Variants in SMG7 observed in about 807,000 individuals in gnomAD.
The protein encoded by SMG7 is SMG7 nonsense mediated mRNA decay factor, also known as nonsense-mediated mRNA decay factor SMG7.
A neutral mutation model predicts 148.2 loss-of-function variants in SMG7; 34 were observed. That is an observed-to-expected ratio of 0.23 (90% confidence interval 0.17 to 0.31). The LOEUF is 0.31. Among genes scored for constraint, SMG7 ranks in the 10% least tolerant of loss-of-function variants. SMG7 has a pLI of 1.00. For missense variants in SMG7, 1,114 were observed against 1,408.4 expected (o/e 0.79, Z 3.35); for synonymous variants, 492 against 515.1 (o/e 0.96, Z 0.61).
At chr1:183,474,560 G>A (rs911390318) in intron 1 of SMG7, among the ~76,000 whole-genome samples, 16 of 152,132 alleles carry the variant, frequency 1.1e-4, no homozygotes, top group Admixed American at 6.5e-5. Flanking sequence ...GTGAAACTTC[G>A]TCTCAATAAA....
At chr1:183,533,922 T>C (rs897700592) in intron 10 of SMG7, 90 bp downstream of exon 10, 4 of 1,092,060 alleles carry the variant, frequency 3.7e-6, no homozygotes, top group East Asian at 2.4e-5. Context: ...AAATACAACA[T>C]TTGAACAATA....
intron 1 of SMG7, among the ~76,000 whole-genome samples, chr1:183,512,342 A>G (rs111239610): frequency 2.3e-4 from 35 of 152,324 alleles, no homozygotes; most frequent in African/African-American, 7.9e-4. Context: ...GTATAAATGT[A>G]GTACATATTT....
intron 1 of SMG7, among the ~76,000 whole-genome samples, chr1:183,484,984 A>G (rs769219025): frequency 2.0e-4 from 31 of 152,280 alleles, no homozygotes; most frequent in South Asian, 1.0e-3. Flanking sequence ...AACTTCACAG[A>G]GAGGCTGTTT....
At chr1:183,481,170 A>G (rs745654819) in intron 1 of SMG7, among the ~76,000 whole-genome samples, 1 of 152,164 alleles carries the variant, frequency 6.6e-6, no homozygotes, top group Non-Finnish European at 1.5e-5. Flanking sequence ...CCTCTGCCTC[A>G]TGATATCTTC....
intron 4 of SMG7, among the ~76,000 whole-genome samples, chr1:183,521,813 C>T (rs1220873780): frequency 6.6e-6 from 1 of 150,602 alleles, no homozygotes; most frequent in East Asian, 1.9e-4. Context: ...TTGCAGTGAG[C>T]CATATTTGCG....
chr1:183,537,894 CT>C (rs548277246), intron 11 of SMG7, among the ~76,000 whole-genome samples: 1 of 151,626 alleles, frequency 6.6e-6, no homozygotes, highest in East Asian at 1.9e-4. Context: ...TTCTTTCTGA[CT>C]TTTTTTTTCC....
At chr1:183,489,099 C>G (rs903144420) in intron 1 of SMG7, among the ~76,000 whole-genome samples, 1 of 152,006 alleles carries the variant, frequency 6.6e-6, no homozygotes, top group African/African-American at 2.4e-5. Flanking sequence ...GCACAATAGG[C>G]TTAATTAACC....
rs1666061740 is a variant in SMG7, at chr1:183,527,339, C to CA, written c.484+575dup. ...TTATGTTTTGCTTGTCCTCAAATAA[C>CA]AAAGAATGGAGAACATTACTGCTTT... is the stretch of plus-strand genomic sequence containing the variant. On this transcript the variant is annotated intron_variant, in intron 5 of 22. Coordinates refer to ENST00000688051, the MANE Select transcript of SMG7 (RefSeq NM_001375584.1). This position sits in a 1 kb window ranked among gnomAD's most constrained non-coding sequence, Gnocchi z 4.0. 6.6e-6 allele frequency among the ~76,000 whole-genome samples: 1 copy of CA among 152,104 alleles called. No individual in the cohort carries two copies. Among genetic ancestry groups the CA allele is most frequent in the Non-Finnish European group, 1.5e-5 (1 of 68,004 alleles).
intron 19 of SMG7, 22 bp downstream of exon 19, chr1:183,549,310 C>G: frequency 6.6e-7 from 1 of 1,513,972 alleles, no homozygotes; most frequent in Non-Finnish European, 9.2e-7. Context: ...ATGAAGAATC[C>G]TGCTGTGTGC....
chr1:183,491,248 G>A (rs1361280226), intron 1 of SMG7, among the ~76,000 whole-genome samples: 1 of 152,206 alleles, frequency 6.6e-6, no homozygotes, highest in East Asian at 1.9e-4. Flanking sequence ...AACATGCCAA[G>A]CAATTAATGC....
intron 1 of SMG7, chr1:183,473,964 A>C (rs907528773): frequency 1.5e-6 from 1 of 675,634 alleles, no homozygotes; most frequent in Non-Finnish European, 1.8e-6. Context: ...TTTATTAAGC[A>C]TAATAGGGAG....
chr1:183,525,819 G>C (rs1665721561), intron 4 of SMG7, among the ~76,000 whole-genome samples: 1 of 152,136 alleles, frequency 6.6e-6, no homozygotes, highest in Non-Finnish European at 1.5e-5. Context: ...GAGATTCGTT[G>C]TATATGCAAA....
chr1:183,472,802 GA>G, intron 1 of SMG7, 153 bp downstream of exon 1: 1 of 625,046 alleles, frequency 1.6e-6, no homozygotes, highest in Non-Finnish European at 2.4e-6. Context: ...GGATCTGCGG[GA>G]GGGGGCGGAA....
rs574069500 is a variant in SMG7, at chr1:183,484,531, A to G, written c.29+11882A>G. Among the ~76,000 whole-genome samples the G allele has an allele frequency of 3.3e-5, 5 of 152,032 alleles. No homozygotes were observed. The East Asian group carries it at 9.7e-4, about 29-fold the overall frequency. On this transcript the variant is annotated intron_variant, in intron 1 of 22. Transcript: ENST00000688051. ...GTCTTTCCACTATTTTTGGCAGCTG[A>G]TTTGAAGCTACAAGTGATGGCAGTT...
chr1:183,517,537 T>C, intron 3 of SMG7, 151 bp from the exon 4 acceptor site: 1 of 764,066 alleles, frequency 1.3e-6, no homozygotes, highest in Non-Finnish European at 2.3e-6. Context: ...AAGGGAAGCA[T>C]AAAGTTATTT....
chr1:183,529,653 A>G, intron 8 of SMG7, 120 bp downstream of exon 8: 1 of 731,782 alleles, frequency 1.4e-6, no homozygotes, highest in Non-Finnish European at 2.2e-6. Context: ...TAAAAATTAT[A>G]TTCGAAGTAT....
chr1:183,473,985 G>A, intron 1 of SMG7: 1 of 531,490 alleles, frequency 1.9e-6, no homozygotes, highest in Non-Finnish European at 2.4e-6. Context: ...AGAAGAGAAT[G>A]ATGAGATATT....
intron 1 of SMG7, among the ~76,000 whole-genome samples, chr1:183,494,427 A>G (rs1012147808): frequency 1.3e-5 from 2 of 150,838 alleles, no homozygotes; most frequent in African/African-American, 4.8e-5. Context: ...CAAAGAGAAA[A>G]AAGTTATTTT....
intron 1 of SMG7, among the ~76,000 whole-genome samples, chr1:183,507,792 G>A (rs554323845): frequency 5.9e-5 from 9 of 152,202 alleles, no homozygotes; most frequent in South Asian, 2.1e-4. Context: ...ATTATTCCAC[G>A]AGTATTTATT....
Sources: allele counts gnomAD v4.1 joint callset (sites outside exome capture counted in the v4.1 genomes callset), GRCh38; gene constraint gnomAD v4.1.1; non-coding constraint Gnocchi (gnomAD v3.1); transcripts MANE v1.5; gene names NCBI Gene and HGNC (gene_info 2026-07-23, HGNC 2026-07-21).